Variants in DLGAP2 observed in about 807,000 individuals in gnomAD.
DLGAP2 encodes DLG associated protein 2, also known as disks large-associated protein 2.
Under a neutral mutation model 100.3 loss-of-function variants are expected in DLGAP2, and 26 were observed. The ratio of observed to expected loss-of-function variants is 0.26; its 90% CI spans 0.19 to 0.36. DLGAP2 has a LOEUF of 0.36. DLGAP2 is among the 10% of genes least tolerant of loss of function. The pLI is 1.00. For missense variants in DLGAP2, 1,858 were observed against 1,453.2 expected (o/e 1.28, Z -4.53); for synonymous variants, 886 against 630.1 (o/e 1.41, Z -6.08).
chr8:1,093,033 G>A (rs1200543986), intron 2 of DLGAP2, among the ~76,000 whole-genome samples: 1 of 152,216 alleles, frequency 6.6e-6, no homozygotes, highest in Non-Finnish European at 1.5e-5. Flanking sequence ...CCTGGGAAGA[G>A]CCAGTGCTGC....
At chr8:972,725 T>C (rs1193420571) in intron 2 of DLGAP2, among the ~76,000 whole-genome samples, 1 of 152,040 alleles carries the variant, frequency 6.6e-6, no homozygotes, top group Non-Finnish European at 1.5e-5. Flanking sequence ...GATAAACAAG[T>C]GAACAAAGAT....
intron 3 of DLGAP2, among the ~76,000 whole-genome samples, chr8:1,280,886 AC>A (rs1799801262): frequency 6.6e-6 from 1 of 152,168 alleles, no homozygotes; most frequent in Non-Finnish European, 1.5e-5. Flanking sequence ...AATCACATTC[AC>A]CTATTACATG....
At chr8:1,465,540 A>G (rs989410980) in intron 3 of DLGAP2, among the ~76,000 whole-genome samples, 1 of 152,060 alleles carries the variant, frequency 6.6e-6, no homozygotes, top group Non-Finnish European at 1.5e-5. Context: ...AGAGATGAGC[A>G]AGGGAAGGGG....
chr8:980,994 G>A (rs111981621), intron 2 of DLGAP2, among the ~76,000 whole-genome samples: 1 of 152,070 alleles, frequency 6.6e-6, no homozygotes, highest in Non-Finnish European at 1.5e-5. Flanking sequence ...TATCTATAAT[G>A]TTATGTGACC....
intron 4 of DLGAP2, among the ~76,000 whole-genome samples, chr8:1,506,238 A>T (rs1799908280): frequency 6.6e-6 from 1 of 152,204 alleles, no homozygotes; most frequent in African/African-American, 2.4e-5. Flanking sequence ...GTGTTCTTTC[A>T]AAAAACAAAA....
intron 3 of DLGAP2, among the ~76,000 whole-genome samples, chr8:1,275,884 AAT>A (rs1253040312): frequency 2.7e-5 from 1 of 37,530 alleles, no homozygotes; most frequent in African/African-American, 1.3e-4. Flanking sequence ...TATATAAATA[AAT>A]ATATAATATA....
At chr8:1,533,433 G>C (rs1307365366) in intron 4 of DLGAP2, among the ~76,000 whole-genome samples, 1 of 151,940 alleles carries the variant, frequency 6.6e-6, no homozygotes, top group Non-Finnish European at 1.5e-5. Context: ...GTGAACCTGG[G>C]AGGCAGAGTT....
intron 2 of DLGAP2, among the ~76,000 whole-genome samples, chr8:1,001,132 C>G (rs956535335): frequency 6.6e-6 from 1 of 152,228 alleles, no homozygotes; most frequent in African/African-American, 2.4e-5. Context: ...AACATTTATT[C>G]ATGAGTGTGT....
intron 3 of DLGAP2, among the ~76,000 whole-genome samples, chr8:1,388,996 A>C (rs1000277155): frequency 1.9e-4 from 25 of 132,058 alleles, no homozygotes; most frequent in African/African-American, 7.2e-4. Flanking sequence ...TTCAGGTGTC[A>C]GGGCTGTGAG....
At chr8:1,140,308 C>T (rs921940614) in intron 2 of DLGAP2, among the ~76,000 whole-genome samples, 40 of 141,522 alleles carry the variant, frequency 2.8e-4, no homozygotes, top group Non-Finnish European at 5.9e-4. Context: ...TGGATGGTCC[C>T]ACGCCTTCCC....
chr8:1,509,933 A>T (rs1800100661), intron 4 of DLGAP2, among the ~76,000 whole-genome samples: 1 of 152,080 alleles, frequency 6.6e-6, no homozygotes, highest in Non-Finnish European at 1.5e-5. Flanking sequence ...GCTCTGGAGG[A>T]CGCGGCCGCG....
chr8:811,561 A>T (rs1258977014), intron 1 of DLGAP2, among the ~76,000 whole-genome samples: 6 of 147,968 alleles, frequency 4.1e-5, no homozygotes, highest in Non-Finnish European at 8.9e-5. Context: ...AGCAGGAACT[A>T]TCTGGGGGCC....
At chr8:1,276,070 T>G (rs1343413026) in intron 3 of DLGAP2, among the ~76,000 whole-genome samples, 1 of 140,320 alleles carries the variant, frequency 7.1e-6, no homozygotes, top group Non-Finnish European at 1.5e-5. Context: ...AAAATAAATA[T>G]ATAATATATA....
At chr8:1,362,084 G>A (rs182561666) in intron 3 of DLGAP2, among the ~76,000 whole-genome samples, 1 of 133,298 alleles carries the variant, frequency 7.5e-6, no homozygotes, top group East Asian at 2.3e-4. Flanking sequence ...AAGGAGAGCG[G>A]TACAGCTGGG....
At chr8:1,231,682 A>G (rs867374580) in intron 2 of DLGAP2, among the ~76,000 whole-genome samples, 1 of 152,222 alleles carries the variant, frequency 6.6e-6, no homozygotes, top group Non-Finnish European at 1.5e-5. Context: ...CTTTGCAGCA[A>G]TGTGGATGCA....
At chr8:1,020,253 A>C (rs1801590270) in intron 2 of DLGAP2, among the ~76,000 whole-genome samples, 1 of 152,344 alleles carries the variant, frequency 6.6e-6, no homozygotes, top group Non-Finnish European at 1.5e-5. Context: ...CAATTTGGGT[A>C]TGAAACCCTG....
intron 2 of DLGAP2, among the ~76,000 whole-genome samples, chr8:1,200,179 C>A (rs1458471712): frequency 2.0e-5 from 3 of 152,182 alleles, no homozygotes; most frequent in African/African-American, 7.2e-5. Context: ...CCCCCGTGCT[C>A]TCCTCCCCAC....
At chr8:800,638 A>G (rs1041031523) in intron 1 of DLGAP2, among the ~76,000 whole-genome samples, 1 of 151,960 alleles carries the variant, frequency 6.6e-6, no homozygotes, top group African/African-American at 2.4e-5. Flanking sequence ...ATGTGTGTGC[A>G]TGTCTATGTG....
In DLGAP2 at chr8:774,388, A is replaced by G. The variant is rs191596277; in HGVS notation, c.18+36563A>G. Reference sequence around the variant, plus strand: ...TTTGTCAATTTTGGCTTTTGTTGCCATTGCTTTTGGCGTTTTAGACATGAA... The same window carrying G: ...TTTGTCAATTTTGGCTTTTGTTGCCGTTGCTTTTGGCGTTTTAGACATGAA... On this transcript the variant is annotated intron_variant, in intron 1 of 14. Coordinates refer to ENST00000637795, the MANE Select transcript of DLGAP2 (RefSeq NM_001346810.2). Among the ~76,000 whole-genome samples, 645 of 152,294 alleles carry G rather than the reference A, an allele frequency of 4.2e-3. 4 individuals carry two copies. The highest frequency in any genetic ancestry group is 0.014 in the African/African-American group (599 of 41,554).
Sources: allele counts gnomAD v4.1 joint callset (sites outside exome capture counted in the v4.1 genomes callset), GRCh38; gene constraint gnomAD v4.1.1; transcripts MANE v1.5; gene names NCBI Gene and HGNC (gene_info 2026-07-23, HGNC 2026-07-21).